The following TPST2 variants were observed in gnomAD, a reference collection of about 807,000 sequenced individuals.
The protein encoded by TPST2 is tyrosylprotein sulfotransferase 2.
Under a neutral mutation model 27.8 loss-of-function variants are expected in TPST2, and 16 were observed. The ratio of observed to expected loss-of-function variants is 0.58; its 90% CI spans 0.39 to 0.88. The LOEUF (loss-of-function observed/expected upper bound fraction) is 0.88. Ranked by LOEUF, TPST2 falls within the 40% of genes least tolerant of loss-of-function variation. The pLI, the probability that TPST2 is intolerant of heterozygous loss-of-function variation, is 0.00. For missense variants in TPST2, 464 were observed against 543.1 expected (o/e 0.85, Z 1.45); for synonymous variants, 229 against 231.7 (o/e 0.99, Z 0.10).
At chr22:26,545,505 CATTTAGGGTAGGGAAG>C (rs1926071415) in intron 1 of TPST2, among the ~76,000 whole-genome samples, 1 of 152,164 alleles carries the variant, frequency 6.6e-6, no homozygotes, top group Non-Finnish European at 1.5e-5. Flanking sequence ...GTGTCCTTAC[CATTTAGGGTAGGGAAG>C]ATTTTTAGTC....
chr22:26,586,866 A>G (rs1019136409), intron 1 of TPST2, among the ~76,000 whole-genome samples: 2 of 152,190 alleles, frequency 1.3e-5, no homozygotes, highest in African/African-American at 4.8e-5. Context: ...CTCTTGCTGA[A>G]GCAAAGAGTG....
At chr22:26,588,890 C>G (rs1035449104) in intron 1 of TPST2, among the ~76,000 whole-genome samples, 1 of 152,132 alleles carries the variant, frequency 6.6e-6, no homozygotes, top group Non-Finnish European at 1.5e-5. Context: ...ACCCACAGCC[C>G]AGTCTGGCAG....
intron 3 of TPST2, among the ~76,000 whole-genome samples, chr22:26,540,423 A>AC (rs1274215714): frequency 6.6e-6 from 1 of 152,060 alleles, no homozygotes; most frequent in Non-Finnish European, 1.5e-5. Flanking sequence ...AACAGGGCAA[A>AC]CCCCATCTCT....
chr22:26,528,428 A>T (rs947557130), intron 5 of TPST2, among the ~76,000 whole-genome samples, 166 bp from the exon 6 acceptor site: 15 of 152,204 alleles, frequency 9.9e-5, no homozygotes, highest in African/African-American at 3.4e-4. Flanking sequence ...GGTGAGCGGG[A>T]CAGACCCAAA....
chr22:26,583,098 C>T (rs372718062), intron 1 of TPST2, among the ~76,000 whole-genome samples: 40 of 130,754 alleles, frequency 3.1e-4, no homozygotes, highest in African/African-American at 1.1e-3. Context: ...GGCAACAGAG[C>T]GAGACTCCAT....
rs577902970 is a variant in TPST2 at position 26,568,336 on chromosome 22, G to A, written c.-161+21717C>T. Among the ~76,000 whole-genome samples, 9 of 152,318 alleles carry A rather than the reference G, an allele frequency of 5.9e-5. 1 individual carries two copies. Among genetic ancestry groups the A allele is most frequent in the African/African-American group, 2.2e-4 (9 of 41,574 alleles). On this transcript the variant is annotated intron_variant, in intron 1 of 6. Transcript: ENST00000338754. ...TTCTGTCAGAGGCACTGGAACCACAGCAACTCCATCTCTCCAGTACGGGCT... is the reference window on the plus strand; with the variant it reads ...TTCTGTCAGAGGCACTGGAACCACAACAACTCCATCTCTCCAGTACGGGCT...
At chr22:26,538,547 C>T (rs954530944) in intron 3 of TPST2, among the ~76,000 whole-genome samples, 5 of 152,244 alleles carry the variant, frequency 3.3e-5, no homozygotes, top group African/African-American at 7.2e-5. Flanking sequence ...GCAGGTCAGG[C>T]GCGGTGGCTC....
At chr22:26,585,956 T>C (rs970757500) in intron 1 of TPST2, among the ~76,000 whole-genome samples, 7 of 152,074 alleles carry the variant, frequency 4.6e-5, no homozygotes, top group Non-Finnish European at 8.8e-5. Context: ...GGCAGGAGAA[T>C]GGCGTGAACC....
At chr22:26,587,520 T>C (rs1376475196) in intron 1 of TPST2, among the ~76,000 whole-genome samples, 1 of 152,172 alleles carries the variant, frequency 6.6e-6, no homozygotes, top group East Asian at 1.9e-4. Flanking sequence ...TTTGTATTTT[T>C]AGTAGAGACG....
At chr22:26,527,912 C>G (rs148373646) in intron 6 of TPST2, among the ~76,000 whole-genome samples, 2 of 152,224 alleles carry the variant, frequency 1.3e-5, no homozygotes, top group African/African-American at 2.4e-5. Context: ...GAATCTCCCC[C>G]TCCCCCATCA....
intron 3 of TPST2, among the ~76,000 whole-genome samples, chr22:26,537,900 C>T (rs1925564773): frequency 6.6e-6 from 1 of 152,182 alleles, no homozygotes. Flanking sequence ...ACTCTTTTTG[C>T]CAGCTATGTA....
At chr22:26,585,121 A>G (rs1928290649) in intron 1 of TPST2, among the ~76,000 whole-genome samples, 1 of 152,174 alleles carries the variant, frequency 6.6e-6, no homozygotes, top group Admixed American at 6.5e-5. Flanking sequence ...CAGCCCCAGA[A>G]AGATGTGGAG....
chr22:26,532,764 A>C lies in TPST2; in HGVS notation c.1042-19T>G. 1 of 1,611,116 alleles carries C rather than the reference A, an allele frequency of 6.2e-7. No individual in the cohort carries two copies. Among genetic ancestry groups the C allele is most frequent in the East Asian group, 2.2e-5 (1 of 44,864 alleles). ...TCAAGACCTAAGGAAGAGAAAAAGA[A>C]ATATCACTATTATGAAAATGGCCAA... On this transcript the variant is annotated intron_variant, in intron 4 of 6. Transcript: ENST00000338754.
chr22:26,544,405 C>T (rs1480405918), intron 2 of TPST2, among the ~76,000 whole-genome samples, 199 bp downstream of exon 2: 1 of 152,202 alleles, frequency 6.6e-6, no homozygotes, highest in African/African-American at 2.4e-5. Context: ...AGATGCTCAT[C>T]TCTCTATGAT....
At chr22:26,571,353 G>C (rs1463847002) in intron 1 of TPST2, among the ~76,000 whole-genome samples, 2 of 151,580 alleles carry the variant, frequency 1.3e-5, no homozygotes, top group East Asian at 3.9e-4. Flanking sequence ...CTTCTTCAAG[G>C]CCTCTTCTGA....
At chr22:26,579,098 C>T (rs1050783791) in intron 1 of TPST2, among the ~76,000 whole-genome samples, 10 of 152,138 alleles carry the variant, frequency 6.6e-5, no homozygotes, top group African/African-American at 1.7e-4. Flanking sequence ...GCAAGTGATC[C>T]GCCCGCATTG....
Position 26,541,386 on chromosome 22 carries a change from G to A in TPST2, c.245C>T (p.Thr82Met), listed in dbSNP as rs748100294. The A allele has an allele frequency of 4.5e-6, 7 of 1,559,904 alleles. No homozygotes were observed. The highest frequency in any genetic ancestry group is 1.9e-5 in the Admixed American group (1 of 53,794). The part of the protein sequence containing the change: ...FVGGVPRSGT[T>M]LMRAMLDAHP... The stretch of plus-strand genomic sequence containing the variant: ...CGCGTCCAGCATGGCGCGCATCAAC[G>A]TGGTGCCACTGCGAGGCACGCCACC... Residue 82 changes from threonine (T) to methionine (M), a missense_variant, in exon 3 of 7, where the codon ACG (threonine) becomes ATG (methionine). Thr to Met is a moderately conservative substitution (Grantham distance 81). Coordinates refer to ENST00000338754, the MANE Select transcript of TPST2 (RefSeq NM_003595.5). The surrounding 1 kb of genome is among the most constrained non-coding windows in gnomAD (Gnocchi z 5.9).
At chr22:26,544,286 G>A (rs1926008665) in intron 2 of TPST2, among the ~76,000 whole-genome samples, 1 of 152,162 alleles carries the variant, frequency 6.6e-6, no homozygotes, top group Non-Finnish European at 1.5e-5. Flanking sequence ...ACAGCGTTTG[G>A]GTTCTGGCTT....
intron 2 of TPST2, among the ~76,000 whole-genome samples, chr22:26,543,913 G>C (rs1161579320): frequency 6.6e-6 from 1 of 152,198 alleles, no homozygotes; most frequent in African/African-American, 2.4e-5. Context: ...TGGTTACCCA[G>C]AGCTAGGGAC....
Sources: allele counts gnomAD v4.1 joint callset (sites outside exome capture counted in the v4.1 genomes callset), GRCh38; gene constraint gnomAD v4.1.1; non-coding constraint Gnocchi (gnomAD v3.1); transcripts MANE v1.5; gene names NCBI Gene and HGNC (gene_info 2026-07-23, HGNC 2026-07-21).